The following VPS53 variants were observed in gnomAD, a reference collection of about 807,000 sequenced individuals.
The protein encoded by VPS53 is VPS53 subunit of GARP complex, also known as vacuolar protein sorting-associated protein 53 homolog.
A neutral mutation model predicts 107.0 loss-of-function variants in VPS53; 70 were observed. That is an observed-to-expected ratio of 0.65 (90% CI 0.54 to 0.80). The LOEUF is 0.80. VPS53 is among the 30% of genes least tolerant of loss of function. VPS53 has a pLI of 0.00. For missense variants in VPS53, 917 were observed against 1,049.4 expected (o/e 0.87, Z 1.74); for synonymous variants, 409 against 393.3 (o/e 1.04, Z -0.47).
At chr17:560,798 T>C (rs959313628) in intron 14 of VPS53, among the ~76,000 whole-genome samples, 2 of 152,182 alleles carry the variant, frequency 1.3e-5, no homozygotes, top group Non-Finnish European at 2.9e-5. Context: ...AGCAGGCCAT[T>C]AGTCACATTA....
chr17:552,089 C>T (rs1597286167), intron 16 of VPS53, 139 bp from the exon 17 acceptor site: 1 of 716,272 alleles, frequency 1.4e-6, no homozygotes, highest in Non-Finnish European at 2.2e-6. Context: ...AGCGGAGGAA[C>T]AGCTTGGCTC....
chr17:671,541 T>C (rs971730469), intron 4 of VPS53, among the ~76,000 whole-genome samples: 3 of 152,174 alleles, frequency 2.0e-5, no homozygotes, highest in African/African-American at 4.8e-5. Flanking sequence ...GCAAATTCTA[T>C]CAGCTACCTG....
chr17:617,444 C>G, intron 11 of VPS53, among the ~76,000 whole-genome samples: 1 of 152,258 alleles, frequency 6.6e-6, no homozygotes, highest in South Asian at 2.1e-4. Flanking sequence ...CTTTGTCACC[C>G]AGACTGGAGT....
intron 7 of VPS53, among the ~76,000 whole-genome samples, chr17:650,505 A>C (rs1469690935): frequency 6.6e-6 from 1 of 151,472 alleles, no homozygotes; most frequent in Non-Finnish European, 1.5e-5. Context: ...TCAAAAAAAC[A>C]AAACAAAACA....
chr17:558,987 C>T (rs933383340), intron 15 of VPS53, among the ~76,000 whole-genome samples: 2 of 152,018 alleles, frequency 1.3e-5, no homozygotes, highest in African/African-American at 2.4e-5. Context: ...CAGAGCAAGA[C>T]TCTGTCTCAA....
At chr17:658,015 C>G (rs1429071680) in intron 5 of VPS53, among the ~76,000 whole-genome samples, 1 of 102,090 alleles carries the variant, frequency 9.8e-6, no homozygotes, top group African/African-American at 4.0e-5. Context: ...GCCGTGAGTT[C>G]GTGGATAGAT....
At chr17:686,279 C>T (rs763793152) in intron 4 of VPS53, among the ~76,000 whole-genome samples, 2 of 151,904 alleles carry the variant, frequency 1.3e-5, no homozygotes, top group African/African-American at 2.4e-5. Flanking sequence ...ACGATCCTGC[C>T]ATTACATTCC....
At chr17:680,943 T>G (rs1401267916) in intron 4 of VPS53, among the ~76,000 whole-genome samples, 2 of 152,234 alleles carry the variant, frequency 1.3e-5, no homozygotes, top group Non-Finnish European at 2.9e-5. Context: ...AAAGGGTTTA[T>G]GTAGGTTATA....
chr17:578,434 C>G (rs1452663780), intron 13 of VPS53, among the ~76,000 whole-genome samples: 1 of 151,184 alleles, frequency 6.6e-6, no homozygotes, highest in Non-Finnish European at 1.5e-5. Flanking sequence ...TAATGCATTC[C>G]CAGACAACTT....
intron 2 of VPS53, among the ~76,000 whole-genome samples, chr17:707,945 C>G (rs1220810307): frequency 6.6e-6 from 1 of 152,152 alleles, no homozygotes; most frequent in African/African-American, 2.4e-5. Context: ...CAGAGATCCT[C>G]CAGGATCCTT....
intron 17 of VPS53, among the ~76,000 whole-genome samples, chr17:548,883 G>GC (rs1370927919): frequency 6.6e-5 from 10 of 152,234 alleles, no homozygotes; most frequent in East Asian, 1.9e-4. Context: ...TCAGAATTTC[G>GC]CCCTCATCTG....
intron 7 of VPS53, among the ~76,000 whole-genome samples, chr17:636,321 A>G (rs1368585700): frequency 6.6e-6 from 1 of 152,180 alleles, no homozygotes; most frequent in Admixed American, 6.5e-5. Flanking sequence ...TTTGGGCTGA[A>G]ACGATGGGGT....
chr17:633,209 G>A (rs568152793), intron 7 of VPS53, among the ~76,000 whole-genome samples: 26 of 152,240 alleles, frequency 1.7e-4, no homozygotes, highest in African/African-American at 4.8e-4. Flanking sequence ...ATCACGTCCC[G>A]CAATCGATCA....
At chr17:593,686 C>G (rs1246342104) in intron 12 of VPS53, among the ~76,000 whole-genome samples, 1 of 152,128 alleles carries the variant, frequency 6.6e-6, no homozygotes, top group African/African-American at 2.4e-5. Flanking sequence ...TGTGGAGAAA[C>G]AGGAACACTT....
At chr17:550,805 C>T (rs574860113) in intron 17 of VPS53, among the ~76,000 whole-genome samples, 52 of 150,836 alleles carry the variant, frequency 3.4e-4, no homozygotes, top group East Asian at 2.4e-3. Flanking sequence ...GATGAGGTAG[C>T]GCTCAGTAAG....
intron 17 of VPS53, among the ~76,000 whole-genome samples, chr17:539,923 CGTCTATCTAAA>C (rs1248085144): frequency 6.6e-6 from 1 of 152,068 alleles, no homozygotes; most frequent in Non-Finnish European, 1.5e-5. Context: ...GGGACAACCA[CGTCTATCTAAA>C]GCCCAAACCA....
intron 7 of VPS53, among the ~76,000 whole-genome samples, chr17:643,547 CG>C (rs1970544069): frequency 1.0e-3 from 17 of 16,536 alleles, no homozygotes; most frequent in African/African-American, 1.8e-3. Flanking sequence ...ACTTGGAAAC[CG>C]AGGACAACAC....
intron 4 of VPS53, among the ~76,000 whole-genome samples, chr17:667,486 T>A (rs1410816913): frequency 7.9e-6 from 1 of 125,812 alleles, no homozygotes; most frequent in African/African-American, 3.2e-5. Context: ...GTTTTAAACA[T>A]AATGTTCTGG....
rs541500342 is a variant in VPS53 at position 694,077 on chromosome 17, A to G, written c.285+3341T>C. Among the ~76,000 whole-genome samples, 273 of 149,998 alleles carry G rather than the reference A, an allele frequency of 1.8e-3. 1 individual carries two copies. The highest frequency in any genetic ancestry group is 2.7e-4 in the Non-Finnish European group (18 of 67,128). The stretch of plus-strand genomic sequence containing the variant: ...AGGACAGGACCCAAGAGCTCCTTGG[A>G]AAAAAAAAAGCTTGTACTTCAGTTT... On this transcript the variant is annotated intron_variant, in intron 4 of 21. Transcript: ENST00000437048.
Sources: gnomAD v4.1 joint callset for allele counts (sites outside exome capture counted in the v4.1 genomes callset) on GRCh38, gnomAD v4.1.1 for gene constraint, MANE v1.5 for transcripts, NCBI Gene and HGNC (gene_info 2026-07-23, HGNC 2026-07-21) for gene names.